The following KCNIP4 variants were observed in gnomAD, a reference collection of about 807,000 sequenced individuals.
KCNIP4 encodes Kv channel-interacting protein 4.
In KCNIP4, 12 loss-of-function variants were observed where a neutral mutation model predicts 34.0. That is an observed-to-expected ratio of 0.35 (90% confidence interval 0.23 to 0.57). The LOEUF (loss-of-function observed/expected upper bound fraction) is 0.57, where lower values mean the gene tolerates loss of function less well. Ranked by LOEUF, KCNIP4 falls within the 20% of genes least tolerant of loss-of-function variation. The pLI is 0.83. For synonymous variants in KCNIP4, 124 were observed against 102.2 expected, an observed-to-expected ratio of 1.21 and a Z score of -1.29; for missense variants, 238 against 311.7, an observed-to-expected ratio of 0.76 and a Z score of 1.78.
chr4:20,973,567 T>G (rs1735185570), intron 1 of KCNIP4, among the ~76,000 whole-genome samples: 1 of 152,236 alleles, frequency 6.6e-6, no homozygotes, highest in Admixed American at 6.5e-5. Flanking sequence ...TATTTCTTTG[T>G]GTTCACAATT....
intron 1 of KCNIP4, among the ~76,000 whole-genome samples, chr4:21,935,671 C>T (rs1238947621): frequency 2.0e-5 from 3 of 152,124 alleles, no homozygotes; most frequent in Admixed American, 6.6e-5. Flanking sequence ...CCTCCCTCCA[C>T]GACCCCCACA....
chr4:20,987,874 G>A (rs1311529978), intron 1 of KCNIP4, among the ~76,000 whole-genome samples: 1 of 151,230 alleles, frequency 6.6e-6, no homozygotes, highest in African/African-American at 2.4e-5. Flanking sequence ...GGTGGTGGGC[G>A]CCTGTAGTCC....
At chr4:21,591,949 C>T (rs1742255004) in intron 1 of KCNIP4, among the ~76,000 whole-genome samples, 2 of 152,086 alleles carry the variant, frequency 1.3e-5, no homozygotes, top group South Asian at 2.1e-4. Flanking sequence ...AAGGGAGGCA[C>T]CATTGAAAGC....
chr4:21,732,319 G>A (rs1460392128), intron 1 of KCNIP4, among the ~76,000 whole-genome samples: 1 of 151,888 alleles, frequency 6.6e-6, no homozygotes, highest in Non-Finnish European at 1.5e-5. Flanking sequence ...CAAAACAATA[G>A]CTCCAGGTCT....
intron 1 of KCNIP4, among the ~76,000 whole-genome samples, chr4:20,949,291 A>C (rs116544984): frequency 0.041 from 6,250 of 152,340 alleles, 160 homozygotes; most frequent in Non-Finnish European, 0.065. Context: ...CTAGTTTAAA[A>C]AATAGTACCA....
chr4:21,789,962 C>A (rs1720169027), intron 1 of KCNIP4, among the ~76,000 whole-genome samples: 1 of 152,132 alleles, frequency 6.6e-6, no homozygotes, highest in South Asian at 2.1e-4. Flanking sequence ...CCGGTTTCTT[C>A]CCATTTTCCA....
At chr4:21,723,162 T>A (rs1192730404) in intron 1 of KCNIP4, among the ~76,000 whole-genome samples, 1 of 152,122 alleles carries the variant, frequency 6.6e-6, no homozygotes, top group Non-Finnish European at 1.5e-5. Flanking sequence ...TTCACATAGA[T>A]GATATAAGTT....
chr4:21,936,435 C>A (rs1213574696), intron 1 of KCNIP4, among the ~76,000 whole-genome samples: 1 of 152,112 alleles, frequency 6.6e-6, no homozygotes, highest in East Asian at 1.9e-4. Flanking sequence ...TCAATTAAAC[C>A]TCTTTCCTTT....
intron 1 of KCNIP4, among the ~76,000 whole-genome samples, chr4:21,525,486 A>G (rs371267955): frequency 2.6e-5 from 4 of 152,170 alleles, no homozygotes; most frequent in Admixed American, 6.6e-5. Context: ...CCACTTTCCC[A>G]ACCCCCATAA....
At chr4:20,783,673 C>CA (rs1711544496) in intron 3 of KCNIP4, among the ~76,000 whole-genome samples, 2 of 152,136 alleles carry the variant, frequency 1.3e-5, no homozygotes, top group Non-Finnish European at 2.9e-5. Context: ...TGGGTGGAGA[C>CA]ACAGAGCCAT....
chr4:21,131,158 A>G (rs915081887), intron 1 of KCNIP4, among the ~76,000 whole-genome samples: 1 of 152,168 alleles, frequency 6.6e-6, no homozygotes. Context: ...GCAATCATCA[A>G]TGTCCATCAG....
chr4:21,680,694 T>C (rs1750277684), intron 1 of KCNIP4, among the ~76,000 whole-genome samples: 2 of 152,238 alleles, frequency 1.3e-5, no homozygotes, highest in African/African-American at 4.8e-5. Flanking sequence ...TTAATCTCTT[T>C]GTCTATCTCC....
chr4:20,878,161 A>C (rs893970649), intron 2 of KCNIP4, among the ~76,000 whole-genome samples: 3 of 152,138 alleles, frequency 2.0e-5, no homozygotes, highest in Admixed American at 6.5e-5. Context: ...TATGTGCCTC[A>C]GTTTTTTTAG....
chr4:21,262,538 T>A (rs1370783424), intron 1 of KCNIP4, among the ~76,000 whole-genome samples: 2 of 152,208 alleles, frequency 1.3e-5, no homozygotes, highest in Non-Finnish European at 2.9e-5. Context: ...GCAATTGAAA[T>A]GTACTTCCCT....
intron 1 of KCNIP4, among the ~76,000 whole-genome samples, chr4:21,108,783 A>T (rs1191385336): frequency 7.2e-5 from 11 of 151,882 alleles, no homozygotes; most frequent in Admixed American, 2.0e-4. Context: ...TTTGGTGTGG[A>T]TGTCCTTTCT....
chr4:21,346,824 G>T (rs182228710), intron 1 of KCNIP4, among the ~76,000 whole-genome samples: 2 of 152,030 alleles, frequency 1.3e-5, no homozygotes, highest in African/African-American at 4.8e-5. Context: ...CAATTTAAGA[G>T]AGCAACTGTA....
chr4:21,398,485 T>A (rs1723199057), intron 1 of KCNIP4, among the ~76,000 whole-genome samples: 1 of 152,196 alleles, frequency 6.6e-6, no homozygotes, highest in Non-Finnish European at 1.5e-5. Flanking sequence ...TCAGTTTCGT[T>A]TTGCTCTCCC....
intron 1 of KCNIP4, among the ~76,000 whole-genome samples, chr4:21,585,160 C>A (rs1741515354): frequency 6.6e-6 from 1 of 152,010 alleles, no homozygotes; most frequent in Non-Finnish European, 1.5e-5. Flanking sequence ...AAGCATTTGG[C>A]ATGTAACTGA....
chr4:21,691,627 G>T (rs886430451), intron 1 of KCNIP4, among the ~76,000 whole-genome samples: 2 of 149,930 alleles, frequency 1.3e-5, no homozygotes, highest in African/African-American at 4.9e-5. Flanking sequence ...GCACTGATGT[G>T]TAAGTGCTGA....
Sources: allele counts gnomAD v4.1 joint callset (sites outside exome capture counted in the v4.1 genomes callset), GRCh38; gene constraint gnomAD v4.1.1; transcripts MANE v1.5; gene names NCBI Gene and HGNC (gene_info 2026-07-23, HGNC 2026-07-21).